FOXP4: variants seen among roughly 807,000 people sequenced by gnomAD.
FOXP4 encodes forkhead box P4.
FOXP4 carries 25 observed loss-of-function variants against 82.6 expected under a neutral mutation model. The ratio of observed to expected loss-of-function variants is 0.30; its 90% CI spans 0.22 to 0.42. The LOEUF (loss-of-function observed/expected upper bound fraction) is 0.42. Ranked by LOEUF, FOXP4 falls within the 10% of genes least tolerant of loss-of-function variation. The pLI is 1.00. For synonymous variants in FOXP4, 415 were observed against 388.2 expected, an observed-to-expected ratio of 1.07 and a Z score of -0.81; for missense variants, 785 against 900.9, an observed-to-expected ratio of 0.87 and a Z score of 1.65.
rs753175229 is a variant in FOXP4, at chr6:41,585,428, C to T, written c.424-3C>T. 3.7e-6 allele frequency: 6 copies of T among 1,613,574 alleles called. No homozygotes were observed. In the East Asian group the frequency reaches 1.1e-4, roughly 30 times the overall value. On this transcript the variant is annotated splice_polypyrimidine_tract_variant and splice_region_variant and intron_variant, in intron 4 of 16. Coordinates refer to ENST00000307972, the MANE Select transcript of FOXP4 (RefSeq NM_001012426.2). ...CAGTGGTAACCCTCCTCCACCCCCC[C>T]AGCTACAGGAGTACTACAAGAAGCA... is the stretch of plus-strand genomic sequence containing the variant.
intron 5 of FOXP4, among the ~76,000 whole-genome samples, chr6:41,586,801 C>T (rs1478001779): frequency 1.3e-5 from 2 of 152,118 alleles, no homozygotes; most frequent in South Asian, 2.1e-4. Flanking sequence ...CGCGTGCGTG[C>T]GTGCGTGCAT....
chr6:41,554,860 C>CAA (rs897133160), intron 1 of FOXP4, among the ~76,000 whole-genome samples: 2 of 131,528 alleles, frequency 1.5e-5, no homozygotes, highest in African/African-American at 5.6e-5. Context: ...ACTCTGCCTC[C>CAA]AAAAAAAAAA....
chr6:41,565,955 G>A lies in FOXP4; in HGVS notation c.195G>A (p.Gln65=), dbSNP rs367735205. 2.7e-5 allele frequency: 43 copies of A among 1,613,036 alleles called. No homozygotes were observed. The highest frequency in any genetic ancestry group is 1.0e-4 in the Admixed American group (6 of 59,976). Residue 65 remains glutamine (Q), a synonymous_variant, in exon 2 of 17, where the codon CAG becomes CAA. Transcript: ENST00000307972. ...GTCCCGCAGAGCTGCTGCACTTCCA[G>A]CAGCAACAGGTAGGAACTGGTGCGC... ...EMSPAELLHF[Q]QQQALQVARQ...
At chr6:41,576,361 C>T (rs548767134) in intron 2 of FOXP4, among the ~76,000 whole-genome samples, 58 of 152,150 alleles carry the variant, frequency 3.8e-4, no homozygotes, top group African/African-American at 1.2e-3. Context: ...TGATGATGAA[C>T]GGACGCGAAG....
intron 15 of FOXP4, 62 bp from the exon 16 acceptor site, chr6:41,597,719 C>T (rs1422824470): frequency 5.8e-6 from 9 of 1,558,464 alleles, no homozygotes; most frequent in Middle Eastern, 1.8e-4. Flanking sequence ...AGGCACAGCA[C>T]TTGACTGAGT....
At chr6:41,584,482 G>T (rs562960810) in intron 3 of FOXP4, among the ~76,000 whole-genome samples, 18 of 152,348 alleles carry the variant, frequency 1.2e-4, no homozygotes, top group Non-Finnish European at 2.4e-4. Context: ...ACCCTTATGT[G>T]CACTTGCTGT....
intron 1 of FOXP4, among the ~76,000 whole-genome samples, chr6:41,560,044 T>G (rs1351175833): frequency 6.6e-6 from 1 of 152,204 alleles, no homozygotes; most frequent in African/African-American, 2.4e-5. Context: ...CTTCCTAATC[T>G]TTGTTGGAAT....
chr6:41,586,885 C>T (rs1199790183), intron 5 of FOXP4, 124 bp from the exon 6 acceptor site: 142 of 1,413,716 alleles, frequency 1.0e-4, no homozygotes, highest in Non-Finnish European at 1.2e-4. Flanking sequence ...CAGCTGCAGA[C>T]GCCACAACGA....
chr6:41,560,730 A>G (rs1764526054), intron 1 of FOXP4, among the ~76,000 whole-genome samples: 1 of 151,586 alleles, frequency 6.6e-6, no homozygotes, highest in African/African-American at 2.4e-5. Flanking sequence ...AAATTAATTG[A>G]TGAGTTGGCA....
chr6:41,550,303 G>C (rs1763926796), intron 1 of FOXP4, among the ~76,000 whole-genome samples: 2 of 152,218 alleles, frequency 1.3e-5, no homozygotes, highest in Admixed American at 1.3e-4. Context: ...TTCTGTTTGG[G>C]AGTTAGATGA....
rs995841598 is a variant in FOXP4 at position 41,555,501 on chromosome 6, T to C, written c.-17+8634T>C. ...ACAGCCAGGGGCCCAGAAATGGCCA[T>C]ACTCAGTGGTTTGTCCCAGGCCCTC... is the stretch of plus-strand genomic sequence containing the variant. On this transcript the variant is annotated intron_variant, in intron 1 of 16. Transcript: ENST00000307972. Among the ~76,000 whole-genome samples, 17 of 152,188 alleles carry C rather than the reference T, an allele frequency of 1.1e-4. 1 individual carries two copies. Among genetic ancestry groups the C allele is most frequent in the Admixed American group, 2.6e-4 (4 of 15,286 alleles).
Position 41,598,986 on chromosome 6 carries a change from T to C in FOXP4, c.*50T>C. On this transcript the variant is annotated 3_prime_UTR_variant, in exon 17 of 17. Transcript: ENST00000307972. ...GGGGTGAGACCCCTCCCTTCCAGAA[T>C]CCAGGCCCCATCTCCCCCAACTCCA... The C allele has an allele frequency of 1.3e-6, 2 of 1,487,192 alleles. No individual in the cohort carries two copies. The highest frequency in any genetic ancestry group is 2.6e-5 in the Admixed American group (1 of 38,910). 92.1% of individuals were successfully genotyped at this position (1,487,192 alleles called of 1,614,324 possible).
intron 1 of FOXP4, among the ~76,000 whole-genome samples, chr6:41,563,806 A>G (rs545170221): frequency 1.3e-5 from 2 of 152,224 alleles, no homozygotes; most frequent in Non-Finnish European, 1.5e-5. Context: ...CGTGGATTCA[A>G]TCCACCACAG....
In FOXP4 at chr6:41,591,387, A is replaced by G. The variant is rs998287092; in HGVS notation, c.1536+65A>G. On this transcript the variant is annotated intron_variant, in intron 13 of 16. Coordinates refer to ENST00000307972, the MANE Select transcript of FOXP4 (RefSeq NM_001012426.2). This position sits in a 1 kb window ranked among gnomAD's most constrained non-coding sequence, Gnocchi z 4.2. Reference sequence around the variant, plus strand: ...CTTGGACCTGCCATATCCCATGGAGACCAAGGCTGCCTAACAATTAGTTCC... The same window carrying G: ...CTTGGACCTGCCATATCCCATGGAGGCCAAGGCTGCCTAACAATTAGTTCC... 5 of 1,347,982 alleles carry G rather than the reference A, an allele frequency of 3.7e-6. 1 individual carries two copies. The Admixed American group carries it at 7.9e-5, about 21-fold the overall frequency. 83.5% of individuals were successfully genotyped at this position (1,347,982 alleles called of 1,614,324 possible). A position where few individuals can be genotyped will look rare whatever the true frequency, so the allele number is the denominator to read the frequency against.
intron 14 of FOXP4, among the ~76,000 whole-genome samples, chr6:41,595,622 G>A (rs915584401): frequency 6.6e-6 from 1 of 151,678 alleles, no homozygotes; most frequent in Non-Finnish European, 1.5e-5. Context: ...TTTTTTTTGA[G>A]AAGGAGTTTT....
chr6:41,571,897 C>T (rs1188638932), intron 2 of FOXP4, among the ~76,000 whole-genome samples: 1 of 152,120 alleles, frequency 6.6e-6, no homozygotes, highest in East Asian at 1.9e-4. Context: ...TTTCTTCCAC[C>T]CTCTGGTCCC....
intron 2 of FOXP4, among the ~76,000 whole-genome samples, chr6:41,573,997 C>T (rs1029286114): frequency 4.6e-5 from 7 of 152,222 alleles, no homozygotes; most frequent in Non-Finnish European, 5.9e-5. Flanking sequence ...GTTTTCCACT[C>T]TGCCTAAGCC....
At position 41,588,619 on chromosome 6, in the gene FOXP4, C is replaced by T. The variant is rs1436403237; in HGVS notation, c.978-25C>T. 1.9e-6 allele frequency: 3 copies of T among 1,612,570 alleles called. No individual in the cohort carries two copies. In the African/African-American group the frequency reaches 4.0e-5, roughly 22 times the overall value. On this transcript the variant is annotated intron_variant, in intron 8 of 16. Coordinates refer to ENST00000307972, the MANE Select transcript of FOXP4 (RefSeq NM_001012426.2). ...CAGCAGGGAAACCGGAGCCAACTTT[C>T]TCTCCTCCTCTCTTCCCCTTGAAGA...
chr6:41,564,270 A>G (rs963938753), intron 1 of FOXP4, among the ~76,000 whole-genome samples: 2 of 152,158 alleles, frequency 1.3e-5, no homozygotes, highest in African/African-American at 2.4e-5. Flanking sequence ...CCTGGCTAAC[A>G]TCTCTACTAA....
Sources: gnomAD v4.1 joint callset for allele counts (sites outside exome capture counted in the v4.1 genomes callset) on GRCh38, gnomAD v4.1.1 for gene constraint, Gnocchi (gnomAD v3.1) non-coding constraint, MANE v1.5 for transcripts, NCBI Gene and HGNC (gene_info 2026-07-23, HGNC 2026-07-21) for gene names.